Variants in RASA1 observed in about 807,000 individuals in gnomAD.
The protein encoded by RASA1 is RAS p21 protein activator 1.
In RASA1, 25 loss-of-function variants were observed where a neutral mutation model predicts 132.2. The observed-to-expected ratio is 0.19, with a 90% CI of 0.14 to 0.26. RASA1 has a LOEUF of 0.26. Ranked by LOEUF, RASA1 falls within the 10% of genes least tolerant of loss-of-function variation. The pLI is 1.00. For synonymous variants in RASA1, 477 were observed against 449.9 expected (o/e 1.06, Z -0.76); for missense variants, 964 against 1,299.2 (o/e 0.74, Z 3.97).
At chr5:87,283,024 T>C (rs1282065041) in intron 1 of RASA1, among the ~76,000 whole-genome samples, 1 of 152,062 alleles carries the variant, frequency 6.6e-6, no homozygotes, top group African/African-American at 2.4e-5. Flanking sequence ...CAGTAAATTA[T>C]TATTATAAAC....
intron 9 of RASA1, among the ~76,000 whole-genome samples, chr5:87,362,311 T>A (rs1760166768): frequency 6.6e-6 from 1 of 152,180 alleles, no homozygotes; most frequent in African/African-American, 2.4e-5. Flanking sequence ...ACAGACAACT[T>A]ATTAGTTGTT....
At chr5:87,381,012 G>A (rs1157661171) in intron 20 of RASA1, among the ~76,000 whole-genome samples, 1 of 152,168 alleles carries the variant, frequency 6.6e-6, no homozygotes, top group Admixed American at 6.5e-5. Flanking sequence ...ACCAGAACAT[G>A]TAGTTCTGAA....
chr5:87,330,348 T>C (rs748000488), intron 1 of RASA1, among the ~76,000 whole-genome samples: 1 of 152,108 alleles, frequency 6.6e-6, no homozygotes, highest in Admixed American at 6.6e-5. Flanking sequence ...ATTACACATA[T>C]AAGATTACAA....
At chr5:87,387,818 G>T (rs1762169676) in intron 23 of RASA1, among the ~76,000 whole-genome samples, 1 of 152,134 alleles carries the variant, frequency 6.6e-6, no homozygotes, top group Non-Finnish European at 1.5e-5. Flanking sequence ...GGACAAAAAT[G>T]CTAAAAGTCC....
intron 1 of RASA1, among the ~76,000 whole-genome samples, chr5:87,324,956 TA>T (rs1757115888): frequency 6.6e-6 from 1 of 152,198 alleles, no homozygotes; most frequent in Non-Finnish European, 1.5e-5. Flanking sequence ...TTAATTTTTT[TA>T]TTTTTTTTTA....
chr5:87,348,259 A>G (rs1203269967), intron 7 of RASA1, among the ~76,000 whole-genome samples: 1 of 151,992 alleles, frequency 6.6e-6, no homozygotes, highest in Non-Finnish European at 1.5e-5. Context: ...TTACTTCATA[A>G]GTGCCTTGAT....
In RASA1 at chr5:87,386,965, C is replaced by A; in HGVS notation, c.2925+62C>A. 4.3e-6 allele frequency: 6 copies of A among 1,384,950 alleles called. No individual in the cohort carries two copies. The South Asian group carries it at 6.0e-5, about 14-fold the overall frequency. The allele number at this position is 1,384,950 out of a possible 1,614,324, so 85.8% of individuals were successfully genotyped here. A position where few individuals can be genotyped will look rare whatever the true frequency, so the allele number is the denominator to read the frequency against. ...TCTAGTTGATATAGCTGAGTTAACC[C>A]ATTTAAGCAGCAATCTTTAGAAAGA... On this transcript the variant is annotated intron_variant, in intron 23 of 24. Coordinates refer to ENST00000274376, the MANE Select transcript of RASA1 (RefSeq NM_002890.3).
At chr5:87,273,539 C>T (rs1299700887) in intron 1 of RASA1, among the ~76,000 whole-genome samples, 1 of 151,804 alleles carries the variant, frequency 6.6e-6, no homozygotes, top group East Asian at 1.9e-4. Context: ...GTGTAGTGCA[C>T]CATCAGTTAT....
At chr5:87,329,281 C>CAAAAAAAAAAAAA (rs571157213) in intron 1 of RASA1, among the ~76,000 whole-genome samples, 1 of 119,160 alleles carries the variant, frequency 8.4e-6, no homozygotes. Flanking sequence ...TCTGTCTCTC[C>CAAAAAAAAAAAAA]AAAAAAAAAA....
intron 1 of RASA1, among the ~76,000 whole-genome samples, chr5:87,293,222 A>T (rs995398562): frequency 4.0e-5 from 6 of 151,436 alleles, no homozygotes; most frequent in African/African-American, 1.5e-4. Flanking sequence ...ACCATTAAGT[A>T]TGGTGTTAGC....
chr5:87,321,324 A>G (rs1756788123), intron 1 of RASA1, among the ~76,000 whole-genome samples: 2 of 152,164 alleles, frequency 1.3e-5, no homozygotes, highest in African/African-American at 4.8e-5. Context: ...CAAATAAGCA[A>G]TCAGTTCTAC....
At chr5:87,320,332 T>A (rs1355347771) in intron 1 of RASA1, among the ~76,000 whole-genome samples, 1 of 152,224 alleles carries the variant, frequency 6.6e-6, no homozygotes, top group Non-Finnish European at 1.5e-5. Flanking sequence ...TTTATAGCAG[T>A]GCCACACTTC....
At chr5:87,269,400 G>A (rs1490177841) in intron 1 of RASA1, 1 of 1,260,950 alleles carries the variant, frequency 7.9e-7, no homozygotes, top group Non-Finnish European at 1.1e-6. Flanking sequence ...TTGAATACAG[G>A]TGTTTAAACG....
intron 1 of RASA1, among the ~76,000 whole-genome samples, chr5:87,319,939 A>G (rs1266821324): frequency 6.6e-6 from 1 of 152,202 alleles, no homozygotes; most frequent in Non-Finnish European, 1.5e-5. Context: ...ACATATGAGC[A>G]TATACTTTTA....
Position 87,282,773 on chromosome 5 carries a change from G to C in RASA1, c.539+13783G>C, listed in dbSNP as rs1166410783. On this transcript the variant is annotated intron_variant, in intron 1 of 24. Transcript: ENST00000274376. The stretch of plus-strand genomic sequence containing the variant: ...TTGTTCAGATGGGGTAAATTCTATT[G>C]ATCTGTTGGTCCTCAAGTTCACAGA... Among the ~76,000 whole-genome samples, 3 of 151,960 alleles carry C rather than the reference G, an allele frequency of 2.0e-5. No homozygotes were observed. In the East Asian group the frequency reaches 5.8e-4, roughly 29 times the overall value.
At chr5:87,367,063 T>A (rs1330606352) in intron 11 of RASA1, among the ~76,000 whole-genome samples, 5 of 151,824 alleles carry the variant, frequency 3.3e-5, no homozygotes, top group South Asian at 2.1e-4. Context: ...ACAACAAAAA[T>A]TTTTTTTTCA....
rs1484820367 is a variant in RASA1 at position 87,268,543 on chromosome 5, C to T, written c.92C>T (p.Pro31Leu). The change falls in exon 1 of 25, where the codon CCC (proline) becomes CTC (leucine). Residue 31 changes from proline to leucine, a missense_variant. Pro to Leu is a moderately conservative substitution (Grantham distance 98). Transcript: ENST00000274376. ...GCGGCAGCGGGCTCCAGTGCCTATC[C>T]CGCAGTGTGTCGGGTGAAGATACCC... ...GGAAAGSSAY[P>L]AVCRVKIPAA... The T allele has an allele frequency of 2.5e-6, 4 of 1,600,242 alleles. No homozygotes were observed. The highest frequency in any genetic ancestry group is 2.7e-5 in the African/African-American group (2 of 74,840).
At chr5:87,378,341 G>C in intron 17 of RASA1, 55 bp from the exon 18 acceptor site, 2 of 1,570,408 alleles carry the variant, frequency 1.3e-6, no homozygotes, top group Non-Finnish European at 1.8e-6. Context: ...TTTCCAATTT[G>C]GTCACATTAG....
At chr5:87,332,472 A>AT (rs768103774) in intron 2 of RASA1, 35 bp from the exon 3 acceptor site, 8 of 1,574,876 alleles carry the variant, frequency 5.1e-6, no homozygotes, top group South Asian at 1.1e-5. Flanking sequence ...GGCTGTAAAG[A>AT]TTTTTTTATA....
Sources: allele counts gnomAD v4.1 joint callset (sites outside exome capture counted in the v4.1 genomes callset), GRCh38; gene constraint gnomAD v4.1.1; transcripts MANE v1.5; gene names NCBI Gene and HGNC (gene_info 2026-07-23, HGNC 2026-07-21).